The following PTPRN2 variants were observed in gnomAD, a reference collection of about 807,000 sequenced individuals.
The protein encoded by PTPRN2 is protein tyrosine phosphatase receptor type N2, also known as receptor-type tyrosine-protein phosphatase N2.
A neutral mutation model predicts 118.8 loss-of-function variants in PTPRN2; 74 were observed. That is an observed-to-expected ratio of 0.62 (90% CI 0.52 to 0.76). The LOEUF is 0.76. Ranked by LOEUF, PTPRN2 falls within the 30% of genes least tolerant of loss-of-function variation. PTPRN2 has a pLI of 0.00. For synonymous variants in PTPRN2, 641 were observed against 608.0 expected (o/e 1.05, Z -0.80); for missense variants, 1,481 against 1,394.4 (o/e 1.06, Z -0.99).
At chr7:158,073,715 T>C (rs1812127245) in intron 11 of PTPRN2, among the ~76,000 whole-genome samples, 1 of 152,190 alleles carries the variant, frequency 6.6e-6, no homozygotes. Context: ...ATGAAGACAC[T>C]GCCCTTTCTA....
intron 1 of PTPRN2, among the ~76,000 whole-genome samples, chr7:158,503,645 G>A (rs959433570): frequency 1.6e-4 from 24 of 152,220 alleles, no homozygotes; most frequent in African/African-American, 5.8e-4. Flanking sequence ...AAAAGTTACA[G>A]ATATTAGTCA....
At chr7:158,451,768 G>A (rs1401623878) in intron 2 of PTPRN2, among the ~76,000 whole-genome samples, 1 of 152,186 alleles carries the variant, frequency 6.6e-6, no homozygotes, top group Non-Finnish European at 1.5e-5. Flanking sequence ...CTTCCCAGGA[G>A]TCAGGCTGGT....
rs147852588 is a variant in PTPRN2, at chr7:158,486,568, C to T, written c.163+3167G>A. On this transcript the variant is annotated intron_variant, in intron 2 of 22. Transcript: ENST00000389418. The stretch of plus-strand genomic sequence containing the variant: ...TATCTTAAGCTTTCTCTTCCAGAAC[C>T]CTTACAGTTTTTTCTATAATAACCA... Among the ~76,000 whole-genome samples, 1,382 of 152,212 alleles carry T rather than the reference C, an allele frequency of 9.1e-3. 16 individuals are homozygous for T. Among genetic ancestry groups the T allele is most frequent in the Middle Eastern group, 0.027 (8 of 294 alleles).
chr7:158,315,626 G>T (rs554863106), intron 3 of PTPRN2, among the ~76,000 whole-genome samples: 9 of 152,360 alleles, frequency 5.9e-5, no homozygotes, highest in Middle Eastern at 3.4e-3. Context: ...TGGTGATTCC[G>T]CCTGGAAGGA....
intron 1 of PTPRN2, among the ~76,000 whole-genome samples, chr7:158,498,567 C>CA (rs1822120345): frequency 6.6e-6 from 1 of 152,190 alleles, no homozygotes; most frequent in African/African-American, 2.4e-5. Context: ...GGTTTTTAAT[C>CA]GGCTCTGGTT....
chr7:158,451,123 A>G (rs1176150588), intron 2 of PTPRN2, among the ~76,000 whole-genome samples: 1 of 152,172 alleles, frequency 6.6e-6, no homozygotes, highest in African/African-American at 2.4e-5. Flanking sequence ...CATTTTACGT[A>G]TTTCTCAGTC....
chr7:158,521,636 G>A (rs944324497), intron 1 of PTPRN2, among the ~76,000 whole-genome samples: 9 of 103,164 alleles, frequency 8.7e-5, no homozygotes, highest in African/African-American at 2.5e-4. Context: ...GGAGGTCCAC[G>A]TCACAATGGT....
intron 6 of PTPRN2, among the ~76,000 whole-genome samples, chr7:158,140,580 CGG>C (rs1819278459): frequency 6.6e-6 from 1 of 152,088 alleles, no homozygotes; most frequent in Non-Finnish European, 1.5e-5. Context: ...TGAGAGAAGC[CGG>C]TCACCAGAGA....
At chr7:158,071,209 G>A (rs372380454) in intron 11 of PTPRN2, among the ~76,000 whole-genome samples, 9 of 35,762 alleles carry the variant, frequency 2.5e-4, no homozygotes, top group African/African-American at 5.8e-4. Flanking sequence ...GGAGGTGCTC[G>A]TGGTGGTGGA....
At chr7:158,107,548 C>T (rs1815785495) in intron 10 of PTPRN2, among the ~76,000 whole-genome samples, 2 of 152,172 alleles carry the variant, frequency 1.3e-5, no homozygotes, top group African/African-American at 4.8e-5. Context: ...AGGGAAAACA[C>T]TTGACTGCCC....
chr7:158,376,075 C>T lies in PTPRN2; in HGVS notation c.164-59143G>A, dbSNP rs111693718. ...ACTGCTAAAAGAGCACTGTAGCACA[C>T]CCACCGCGGCTTTGGGAGTCACAGA... On this transcript the variant is annotated intron_variant, in intron 2 of 22. Coordinates refer to ENST00000389418, the MANE Select transcript of PTPRN2 (RefSeq NM_002847.5). 8.3e-3 allele frequency among the ~76,000 whole-genome samples: 1,264 copies of T among 152,306 alleles called. 14 individuals carry two copies. Among genetic ancestry groups the T allele is most frequent in the African/African-American group, 0.029 (1,204 of 41,550 alleles).
At chr7:158,333,438 C>A (rs1427685597) in intron 2 of PTPRN2, among the ~76,000 whole-genome samples, 1 of 146,858 alleles carries the variant, frequency 6.8e-6, no homozygotes, top group Non-Finnish European at 1.5e-5. Flanking sequence ...TAAGAGGTGA[C>A]ACCTGCAGAC....
At chr7:158,090,539 C>T (rs1585405992) in intron 10 of PTPRN2, among the ~76,000 whole-genome samples, 1 of 152,198 alleles carries the variant, frequency 6.6e-6, no homozygotes, top group East Asian at 1.9e-4. Context: ...AGTGGTTCCA[C>T]TTGATAGTTT....
At chr7:157,883,340 C>T (rs1481689602) in intron 12 of PTPRN2, among the ~76,000 whole-genome samples, 4 of 149,982 alleles carry the variant, frequency 2.7e-5, no homozygotes, top group African/African-American at 9.9e-5. Flanking sequence ...CCCAAAATGA[C>T]TGTTGGAAAC....
At chr7:157,853,301 C>T (rs909765421) in intron 12 of PTPRN2, among the ~76,000 whole-genome samples, 14 of 152,280 alleles carry the variant, frequency 9.2e-5, no homozygotes, top group Admixed American at 5.2e-4. Context: ...AGGCCTGTGG[C>T]ATGGGGTAAC....
intron 5 of PTPRN2, among the ~76,000 whole-genome samples, chr7:158,171,749 A>T (rs939086068): frequency 1.3e-5 from 2 of 152,198 alleles, no homozygotes; most frequent in African/African-American, 4.8e-5. Context: ...CTCTGAGTTT[A>T]AAATTCTGTG....
intron 2 of PTPRN2, among the ~76,000 whole-genome samples, chr7:158,481,809 G>T (rs902291159): frequency 6.6e-6 from 1 of 152,216 alleles, no homozygotes; most frequent in Non-Finnish European, 1.5e-5. Flanking sequence ...AGCTGCCATA[G>T]ATAGTGATTC....
intron 2 of PTPRN2, among the ~76,000 whole-genome samples, chr7:158,486,271 G>A (rs576196928): frequency 6.6e-6 from 1 of 152,196 alleles, no homozygotes; most frequent in African/African-American, 2.4e-5. Context: ...GCGTGAAAGC[G>A]ACCAGCTCAC....
intron 22 of PTPRN2, among the ~76,000 whole-genome samples, chr7:157,548,325 A>T (rs751128195): frequency 6.6e-6 from 1 of 152,242 alleles, no homozygotes; most frequent in Non-Finnish European, 1.5e-5. Flanking sequence ...TGGTCCTACC[A>T]GTTGCACAGA....
Sources: allele counts gnomAD v4.1 joint callset (sites outside exome capture counted in the v4.1 genomes callset), GRCh38; gene constraint gnomAD v4.1.1; transcripts MANE v1.5; gene names NCBI Gene and HGNC (gene_info 2026-07-23, HGNC 2026-07-21).